The following FARP2 variants were observed in gnomAD, a reference collection of about 807,000 sequenced individuals.
FARP2 encodes the protein FERM, ARH/RhoGEF and pleckstrin domain protein 2.
FARP2 carries 111 observed loss-of-function variants against 130.5 expected under a neutral mutation model. The ratio of observed to expected loss-of-function variants is 0.85; its 90% CI spans 0.73 to 1.00. FARP2 has a LOEUF of 1.00. Among genes scored for constraint, FARP2 ranks in the 50% least tolerant of loss-of-function variants. The pLI is 0.00. For missense variants in FARP2, 1,385 were observed against 1,346.3 expected, an observed-to-expected ratio of 1.03 and a Z score of -0.45; for synonymous variants, 504 against 516.9, an observed-to-expected ratio of 0.98 and a Z score of 0.34.
intron 1 of FARP2, among the ~76,000 whole-genome samples, chr2:241,360,495 A>AC (rs2061162387): frequency 6.6e-6 from 1 of 151,702 alleles, no homozygotes; most frequent in Non-Finnish European, 1.5e-5. Context: ...ACACAGTGAA[A>AC]CCCCCCGTCT....
At chr2:241,383,531 G>C (rs975742388) in intron 2 of FARP2, among the ~76,000 whole-genome samples, 1 of 152,188 alleles carries the variant, frequency 6.6e-6, no homozygotes, top group African/African-American at 2.4e-5. Context: ...GCATCTAGGA[G>C]GGCTTCTGCT....
intron 13 of FARP2, chr2:241,441,810 C>A: frequency 1.7e-6 from 1 of 592,128 alleles, no homozygotes; most frequent in Non-Finnish European, 3.1e-6. Flanking sequence ...CTGAGGAGTT[C>A]ATAGACGATG....
chr2:241,464,340 G>C (rs2064111276), intron 17 of FARP2, among the ~76,000 whole-genome samples: 1 of 151,322 alleles, frequency 6.6e-6, no homozygotes, highest in Non-Finnish European at 1.5e-5. Flanking sequence ...CCCCAGAGCA[G>C]GGTCCCCTAA....
At position 241,483,538 on chromosome 2, in the gene FARP2, G is replaced by A. The variant is rs201909804; in HGVS notation, c.2331+5G>A. Reference sequence around the variant, plus strand: ...CAGCAGAGGATGTTTTTTCTGGTAGGTTCTCTCCCCACTCAAGCTGTGCTT... The same window carrying A: ...CAGCAGAGGATGTTTTTTCTGGTAGATTCTCTCCCCACTCAAGCTGTGCTT... On this transcript the variant is annotated splice_donor_5th_base_variant and intron_variant, in intron 20 of 26. Transcript: ENST00000264042. 62 of 1,613,568 alleles carry A rather than the reference G, an allele frequency of 3.8e-5. No individual in the cohort carries two copies. Among genetic ancestry groups the A allele is most frequent in the Non-Finnish European group, 4.9e-5 (58 of 1,179,544 alleles).
At chr2:241,483,015 AT>A (rs535310507) in intron 19 of FARP2, among the ~76,000 whole-genome samples, 23 of 135,232 alleles carry the variant, frequency 1.7e-4, no homozygotes, top group African/African-American at 5.4e-4. Flanking sequence ...TCCTCCTCCC[AT>A]TCTCGAACCT....
At position 241,402,866 on chromosome 2, in the gene FARP2, A is replaced by C. The variant is rs376018843; in HGVS notation, c.184-962A>C. Reference sequence around the variant, plus strand: ...TATATATATATATATATATATATATATATATATATATATATTTTTTTTTTT... The same window carrying C: ...TATATATATATATATATATATATATCTATATATATATATATTTTTTTTTTT... On this transcript the variant is annotated intron_variant, in intron 2 of 26. Coordinates refer to ENST00000264042, the MANE Select transcript of FARP2 (RefSeq NM_014808.4). Among the ~76,000 whole-genome samples the C allele has an allele frequency of 1.6e-3, 19 of 11,994 alleles. 1 individual carries two copies. Among genetic ancestry groups the C allele is most frequent in the African/African-American group, 5.4e-3 (14 of 2,572 alleles). The allele number at this position is 11,994 out of a possible 152,430, so 7.9% of individuals were successfully genotyped here.
intron 9 of FARP2, among the ~76,000 whole-genome samples, chr2:241,432,825 G>A (rs865946208): frequency 1.3e-5 from 2 of 152,210 alleles, no homozygotes; most frequent in Non-Finnish European, 2.9e-5. Flanking sequence ...GCTACCATGG[G>A]GTTTGAAGCT....
chr2:241,378,251 A>G (rs1575473583), intron 2 of FARP2, among the ~76,000 whole-genome samples: 1 of 150,126 alleles, frequency 6.7e-6, no homozygotes, highest in Non-Finnish European at 1.5e-5. Flanking sequence ...ACAGGCGCCC[A>G]CCACCATGCC....
chr2:241,485,463 G>T (rs554979128), intron 21 of FARP2, among the ~76,000 whole-genome samples: 128 of 136,642 alleles, frequency 9.4e-4, no homozygotes, highest in Admixed American at 1.5e-3. Flanking sequence ...CCCTCCCTGG[G>T]ATCTTCCCTC....
intron 13 of FARP2, among the ~76,000 whole-genome samples, chr2:241,450,597 T>C (rs2063627183): frequency 1.3e-5 from 2 of 150,594 alleles, no homozygotes; most frequent in South Asian, 4.2e-4. Context: ...ACCCAGGAGG[T>C]AGAGGCTGCA....
At position 241,491,501 on chromosome 2, in the gene FARP2, C is replaced by T. The variant is rs779925524; in HGVS notation, c.2624-15C>T. 6.2e-7 allele frequency: 1 copy of T among 1,612,760 alleles called. No homozygotes were observed. Among genetic ancestry groups the T allele is most frequent in the East Asian group, 2.2e-5 (1 of 44,864 alleles). The stretch of plus-strand genomic sequence containing the variant: ...ACAGGGGGTTCCCCCTGAGACGCTG[C>T]TGACTTCTCCCCAGGATCCCCCAAC... On this transcript the variant is annotated splice_polypyrimidine_tract_variant and intron_variant, in intron 23 of 26. Coordinates refer to ENST00000264042, the MANE Select transcript of FARP2 (RefSeq NM_014808.4).
intron 2 of FARP2, among the ~76,000 whole-genome samples, chr2:241,402,856 A>G (rs866909506): frequency 0.028 from 213 of 7,574 alleles, 14 homozygotes; most frequent in African/African-American, 0.096. Flanking sequence ...ATATATATAT[A>G]TATATATATA....
At chr2:241,461,855 GGT>G (rs2064028352) in intron 14 of FARP2, among the ~76,000 whole-genome samples, 1 of 152,238 alleles carries the variant, frequency 6.6e-6, no homozygotes, top group Admixed American at 6.5e-5. Flanking sequence ...GAGGGTTCAG[GGT>G]GGGGAGAGGC....
At chr2:241,466,107 C>CAG (rs1354872714) in intron 17 of FARP2, 1 of 1,084,506 alleles carries the variant, frequency 9.2e-7, no homozygotes, top group Non-Finnish European at 1.1e-6. Context: ...TCTGGGGAGG[C>CAG]AGCCAAGAGC....
At chr2:241,371,671 A>G (rs1013782916) in intron 1 of FARP2, among the ~76,000 whole-genome samples, 23 of 152,206 alleles carry the variant, frequency 1.5e-4, no homozygotes, top group Non-Finnish European at 3.2e-4. Context: ...GGGTGAGATA[A>G]AATAATGCGT....
At chr2:241,493,270 C>G in intron 25 of FARP2, 23 bp from the exon 26 acceptor site, 1 of 1,610,560 alleles carries the variant, frequency 6.2e-7, no homozygotes, top group South Asian at 1.1e-5. Context: ...CCCTGGAACC[C>G]GTGTCCCTAT....
intron 20 of FARP2, chr2:241,483,804 CAA>C: frequency 2.0e-6 from 2 of 985,430 alleles, no homozygotes; most frequent in Non-Finnish European, 2.4e-6. Context: ...AAACAGAAGC[CAA>C]AAGATTGTAA....
chr2:241,366,102 A>ATATATATATAT (rs1388297069), intron 1 of FARP2, among the ~76,000 whole-genome samples: 95 of 34,674 alleles, frequency 2.7e-3, no homozygotes, highest in African/African-American at 3.9e-3. Context: ...TAAAAAAAAA[A>ATATATATATAT]AAATATATAT....
At chr2:241,479,124 C>A in intron 19 of FARP2, 1 of 430,006 alleles carries the variant, frequency 2.3e-6, no homozygotes, top group Non-Finnish European at 4.1e-6. Flanking sequence ...GGGTGTGAAT[C>A]CTTTTGTGCT....
Sources: allele counts gnomAD v4.1 joint callset (sites outside exome capture counted in the v4.1 genomes callset), GRCh38; gene constraint gnomAD v4.1.1; transcripts MANE v1.5; gene names NCBI Gene and HGNC (gene_info 2026-07-23, HGNC 2026-07-21).